The following MAML3 variants were observed in gnomAD, a reference collection of about 807,000 sequenced individuals.
The protein encoded by MAML3 is mastermind like transcriptional coactivator 3, also known as mastermind-like protein 3.
In MAML3, 27 loss-of-function variants were observed where a neutral mutation model predicts 101.9. The ratio of observed to expected loss-of-function variants is 0.27; its 90% CI spans 0.20 to 0.37. The LOEUF (loss-of-function observed/expected upper bound fraction) is 0.37, where lower values mean the gene tolerates loss of function less well. Ranked by LOEUF, MAML3 falls within the 10% of genes least tolerant of loss-of-function variation. The pLI is 1.00. For synonymous variants in MAML3, 501 were observed against 555.9 expected, an observed-to-expected ratio of 0.90 and a Z score of 1.39; for missense variants, 1,316 against 1,444.9, an observed-to-expected ratio of 0.91 and a Z score of 1.45.
rs536069857 is a variant in MAML3, at chr4:139,965,611, GGT to G, written c.469-74646_469-74645del. Among the ~76,000 whole-genome samples, 10 of 152,144 alleles carry G rather than the reference GGT, an allele frequency of 6.6e-5. No individual in the cohort carries two copies. In the South Asian group the frequency reaches 1.2e-3, roughly 19 times the overall value. Reference sequence around the variant, plus strand: ...ATTGTAGCCAAAATGTTGTAACAATGGTGTGTTTTATGCACACTTAACATATA... The same window carrying G: ...ATTGTAGCCAAAATGTTGTAACAATGGTGTTTTATGCACACTTAACATATA... On this transcript the variant is annotated intron_variant, in intron 1 of 4. Transcript: ENST00000509479.
chr4:140,143,858 C>T (rs960563982), intron 1 of MAML3, among the ~76,000 whole-genome samples: 2 of 152,204 alleles, frequency 1.3e-5, no homozygotes, highest in Non-Finnish European at 2.9e-5. Flanking sequence ...GCTAGGATGG[C>T]GCTGCCATGC....
intron 1 of MAML3, among the ~76,000 whole-genome samples, chr4:140,120,921 T>C (rs961890813): frequency 1.3e-5 from 2 of 152,178 alleles, no homozygotes; most frequent in Non-Finnish European, 2.9e-5. Flanking sequence ...TTATGGAAAA[T>C]GTACTTCTAC....
In MAML3 at chr4:140,040,869, G is replaced by A. The variant is rs77245729; in HGVS notation, c.468+111991C>T. ...ATTACCCTCCTTCTATTCTTGAGAC[G>A]TTATGACAATCTGAGCTAATACATT... On this transcript the variant is annotated intron_variant, in intron 1 of 4. Transcript: ENST00000509479. 9.8e-3 allele frequency among the ~76,000 whole-genome samples: 1,496 copies of A among 152,030 alleles called. 8 individuals are homozygous for A. The highest frequency in any genetic ancestry group is 0.036 in the South Asian group (174 of 4,824).
chr4:139,930,511 A>G (rs1733365656), intron 1 of MAML3, among the ~76,000 whole-genome samples: 1 of 152,230 alleles, frequency 6.6e-6, no homozygotes, highest in Admixed American at 6.5e-5. Context: ...AAGCTGCCAT[A>G]TTAAGAAACA....
intron 1 of MAML3, among the ~76,000 whole-genome samples, chr4:140,048,155 G>A (rs1429116943): frequency 6.6e-6 from 1 of 152,168 alleles, no homozygotes; most frequent in Non-Finnish European, 1.5e-5. Context: ...TGAGTGAGTG[G>A]ACTGGATTTC....
chr4:140,071,968 T>C (rs2874372), intron 1 of MAML3, among the ~76,000 whole-genome samples: 57,800 of 151,916 alleles, frequency 0.38, 11,318 homozygotes, highest in East Asian at 0.61. Flanking sequence ...TGAACCCATG[T>C]GGTGGACGTG....
At chr4:139,796,946 T>C (rs917309107) in intron 2 of MAML3, among the ~76,000 whole-genome samples, 3 of 152,126 alleles carry the variant, frequency 2.0e-5, no homozygotes, top group Non-Finnish European at 4.4e-5. Flanking sequence ...CAGAGAGCCA[T>C]AAGTAGGTTA....
chr4:140,101,686 A>G (rs916174849), intron 1 of MAML3, among the ~76,000 whole-genome samples: 1 of 152,132 alleles, frequency 6.6e-6, no homozygotes, highest in Non-Finnish European at 1.5e-5. Flanking sequence ...ATCAGTGTAA[A>G]TTAGAAATGA....
Position 139,889,583 on chromosome 4 carries a change from G to T in MAML3, c.1853C>A (p.Pro618Gln), listed in dbSNP as rs1428339421. ...GTTTTTGTTGGGGTTGGCCACTGGT[G>T]GTGTCATCCTCTGACTCAGGTCTGC... is the stretch of plus-strand genomic sequence containing the variant. Reference protein sequence around the residue: ...FNADLSQRMTPPVANPNKNPL... With the variant: ...FNADLSQRMTQPVANPNKNPL... The change falls in exon 2 of 5, where the codon CCA becomes CAA. Residue 618 changes from proline (P) to glutamine (Q), a missense_variant. Transcript: ENST00000509479. 1.2e-6 allele frequency: 2 copies of T among 1,613,842 alleles called. No individual in the cohort carries two copies. The highest frequency in any genetic ancestry group is 1.7e-6 in the Non-Finnish European group (2 of 1,179,878).
chr4:139,922,404 T>A (rs915492215), intron 1 of MAML3, among the ~76,000 whole-genome samples: 1 of 152,006 alleles, frequency 6.6e-6, no homozygotes, highest in South Asian at 2.1e-4. Flanking sequence ...AGGGATAACA[T>A]ACAGGCAGAG....
chr4:140,116,999 C>T (rs1180025823), intron 1 of MAML3, among the ~76,000 whole-genome samples: 1 of 152,170 alleles, frequency 6.6e-6, no homozygotes, highest in African/African-American at 2.4e-5. Context: ...GCTTGCAGAA[C>T]ATGCTGAGTT....
chr4:139,875,643 C>T (rs1055479882), intron 2 of MAML3, among the ~76,000 whole-genome samples: 1 of 152,108 alleles, frequency 6.6e-6, no homozygotes, highest in Admixed American at 6.6e-5. Context: ...GGGCTGCTCA[C>T]AAATGTTATA....
intron 1 of MAML3, among the ~76,000 whole-genome samples, chr4:140,058,778 T>C (rs1727396223): frequency 6.6e-6 from 1 of 152,150 alleles, no homozygotes; most frequent in African/African-American, 2.4e-5. Flanking sequence ...TTTTTCCTGT[T>C]CTTCTGAATT....
In MAML3 at chr4:139,889,909, TTGCTGCTGCTGCTGCTGCTGCTGCTGC is replaced by T. The variant is rs58015886; in HGVS notation, c.1500_1526del (p.Gln502_Gln510del). 107 of 1,476,654 alleles carry T rather than the reference TTGCTGCTGCTGCTGCTGCTGCTGCTGC, an allele frequency of 7.2e-5. No individual in the cohort carries two copies. The highest frequency in any genetic ancestry group is 3.2e-4 in the East Asian group (13 of 41,130). 91.5% of individuals were successfully genotyped at this position (1,476,654 alleles called of 1,614,324 possible). On this transcript the variant is annotated inframe_deletion, in exon 2 of 5. Transcript: ENST00000509479. ...AATTTGAAGTCTGATTTGAGTGCTGTTGCTGCTGCTGCTGCTGCTGCTGCTGCTGCTGCTGCTGCTGCTGCTGCTGCT... is the reference window on the plus strand; with the variant it reads ...AATTTGAAGTCTGATTTGAGTGCTGTTGCTGCTGCTGCTGCTGCTGCTGCT...
Position 139,720,045 on chromosome 4 carries a change from C to T in MAML3, c.2695G>A (p.Gly899Arg), listed in dbSNP as rs770092063. The T allele has an allele frequency of 6.2e-7, 1 of 1,614,076 alleles. No individual in the cohort carries two copies. The highest frequency in any genetic ancestry group is 8.5e-7 in the Non-Finnish European group (1 of 1,179,908). ...TGCCCAGAGGCAGGTTGCCTCGGTC[C>T]CTGGGCTTGGTTATGTGTGATGCTC... The part of the protein sequence containing the change: ...GMSITHNQAQ[G>R]PRQPASGQGV... Residue 899 changes from glycine (G) to arginine (R), a missense_variant, in exon 5 of 5, where the codon GGA becomes AGA. Physicochemically the swap from Gly to Arg is moderately radical, Grantham distance 125. Coordinates refer to ENST00000509479, the MANE Select transcript of MAML3 (RefSeq NM_018717.5).
At chr4:140,093,360 T>C (rs538702974) in intron 1 of MAML3, among the ~76,000 whole-genome samples, 34 of 151,814 alleles carry the variant, frequency 2.2e-4, no homozygotes, top group Admixed American at 4.6e-4. Context: ...TGCAAAGATA[T>C]CCTTTCTGGT....
intron 2 of MAML3, among the ~76,000 whole-genome samples, chr4:139,786,648 C>G (rs1485958588): frequency 6.6e-6 from 1 of 152,158 alleles, no homozygotes; most frequent in Non-Finnish European, 1.5e-5. Context: ...ATCAGTTCTC[C>G]AAGGTGTCAG....
At chr4:140,056,245 A>T (rs1019501441) in intron 1 of MAML3, among the ~76,000 whole-genome samples, 1 of 152,134 alleles carries the variant, frequency 6.6e-6, no homozygotes, top group Non-Finnish European at 1.5e-5. Flanking sequence ...ACCTCTCTAC[A>T]TTCCAGTTTC....
chr4:140,148,439 T>C (rs1241489632), intron 1 of MAML3, among the ~76,000 whole-genome samples: 7 of 152,140 alleles, frequency 4.6e-5, no homozygotes, highest in Non-Finnish European at 1.0e-4. Context: ...AAAAAATACA[T>C]ATGAAGGACA....
Sources: allele counts gnomAD v4.1 joint callset (sites outside exome capture counted in the v4.1 genomes callset), GRCh38; gene constraint gnomAD v4.1.1; transcripts MANE v1.5; gene names NCBI Gene and HGNC (gene_info 2026-07-23, HGNC 2026-07-21).